CADM2: variants seen among roughly 807,000 people sequenced by gnomAD.
CADM2 encodes immunoglobulin superfamily member 4D.
In CADM2, 12 loss-of-function variants were observed where a neutral mutation model predicts 49.8. The ratio of observed to expected loss-of-function variants is 0.24; its 90% CI spans 0.15 to 0.39. The LOEUF (loss-of-function observed/expected upper bound fraction) is 0.39, where lower values mean the gene tolerates loss of function less well. CADM2 is among the 10% of genes least tolerant of loss of function. The pLI is 1.00. For missense variants in CADM2, 378 were observed against 492.3 expected (o/e 0.77, Z 2.20); for synonymous variants, 214 against 175.4 (o/e 1.22, Z -1.74).
intron 3 of CADM2, among the ~76,000 whole-genome samples, chr3:85,860,279 A>G (rs753382397): frequency 1.4e-4 from 21 of 152,230 alleles, no homozygotes; most frequent in Non-Finnish European, 2.4e-4. Flanking sequence ...GAAGGAAACA[A>G]AAACAACAAA....
intron 2 of CADM2, among the ~76,000 whole-genome samples, chr3:85,791,945 G>A (rs1005146633): frequency 1.3e-5 from 2 of 152,050 alleles, no homozygotes; most frequent in Admixed American, 1.3e-4. Flanking sequence ...GGATGGTCTC[G>A]ATCTCCTGAC....
At chr3:85,230,093 A>G (rs2042252780) in intron 1 of CADM2, among the ~76,000 whole-genome samples, 1 of 152,182 alleles carries the variant, frequency 6.6e-6, no homozygotes, top group Admixed American at 6.6e-5. Flanking sequence ...TTAAACAGCA[A>G]AGATTCTCCC....
At chr3:85,052,807 C>T (rs1286419037) in intron 1 of CADM2, among the ~76,000 whole-genome samples, 2 of 151,954 alleles carry the variant, frequency 1.3e-5, no homozygotes, top group Non-Finnish European at 2.9e-5. Context: ...TAAGTATATA[C>T]AGCAATGTCT....
At chr3:85,975,184 T>C (rs1214675720) in intron 8 of CADM2, among the ~76,000 whole-genome samples, 1 of 151,482 alleles carries the variant, frequency 6.6e-6, no homozygotes, top group Non-Finnish European at 1.5e-5. Flanking sequence ...AAACCATCAA[T>C]TTATTTTAGT....
chr3:85,857,449 TA>T (rs1245251121), intron 3 of CADM2, among the ~76,000 whole-genome samples: 1 of 152,168 alleles, frequency 6.6e-6, no homozygotes, highest in African/African-American at 2.4e-5. Context: ...CCTCCGTGCC[TA>T]CCATAAACTC....
chr3:85,198,722 T>A (rs912386132), intron 1 of CADM2, among the ~76,000 whole-genome samples: 5 of 151,936 alleles, frequency 3.3e-5, no homozygotes, highest in African/African-American at 9.7e-5. Flanking sequence ...CATTAATCAT[T>A]TCTGTAATTT....
intron 1 of CADM2, among the ~76,000 whole-genome samples, chr3:85,500,972 C>A (rs1165808549): frequency 6.6e-6 from 1 of 152,124 alleles, no homozygotes; most frequent in Non-Finnish European, 1.5e-5. Flanking sequence ...CATTCAATTT[C>A]TGTGGATATA....
chr3:85,387,892 A>G (rs528545149), intron 1 of CADM2, among the ~76,000 whole-genome samples: 5 of 152,320 alleles, frequency 3.3e-5, no homozygotes, highest in African/African-American at 1.2e-4. Context: ...GAATCTAAAT[A>G]TAGTTCCTTT....
At chr3:85,143,466 C>A (rs1575969555) in intron 1 of CADM2, among the ~76,000 whole-genome samples, 1 of 152,154 alleles carries the variant, frequency 6.6e-6, no homozygotes, top group Non-Finnish European at 1.5e-5. Flanking sequence ...GGCAACAGAA[C>A]AAGATCCTGT....
At chr3:85,683,419 G>T (rs1055558300) in intron 1 of CADM2, among the ~76,000 whole-genome samples, 6 of 152,150 alleles carry the variant, frequency 3.9e-5, no homozygotes, top group African/African-American at 9.7e-5. Flanking sequence ...AGAGCTGTGT[G>T]AATCTTTTTT....
At chr3:85,765,188 A>T (rs1577255058) in intron 2 of CADM2, among the ~76,000 whole-genome samples, 1 of 152,240 alleles carries the variant, frequency 6.6e-6, no homozygotes, top group Middle Eastern at 3.4e-3. Context: ...TCAGCCTTAC[A>T]GCTATTATTC....
At chr3:85,743,995 C>T (rs1242471336) in intron 2 of CADM2, among the ~76,000 whole-genome samples, 1 of 152,098 alleles carries the variant, frequency 6.6e-6, no homozygotes, top group East Asian at 1.9e-4. Context: ...GAGACAAAAT[C>T]CCTAGCCTCA....
chr3:85,283,973 G>A (rs1051687413), intron 1 of CADM2, among the ~76,000 whole-genome samples: 1 of 152,144 alleles, frequency 6.6e-6, no homozygotes, highest in African/African-American at 2.4e-5. Context: ...ATTTACCACA[G>A]TGTTGAGTCT....
chr3:85,069,948 G>C (rs1340961744), intron 1 of CADM2, among the ~76,000 whole-genome samples: 1 of 151,976 alleles, frequency 6.6e-6, no homozygotes, highest in Non-Finnish European at 1.5e-5. Context: ...TTATGTTTTT[G>C]GGGCACTTTT....
At chr3:85,494,051 CT>C (rs1157882740) in intron 1 of CADM2, among the ~76,000 whole-genome samples, 1 of 152,074 alleles carries the variant, frequency 6.6e-6, no homozygotes, top group Non-Finnish European at 1.5e-5. Context: ...AGTCCCAATA[CT>C]TGTTAAATGC....
chr3:85,347,288 C>G (rs1030047459), intron 1 of CADM2, among the ~76,000 whole-genome samples: 2 of 128,760 alleles, frequency 1.6e-5, no homozygotes, highest in African/African-American at 5.7e-5. Flanking sequence ...TAGCAATGAT[C>G]AAAAGGCTGG....
Position 85,049,268 on chromosome 3 carries a change from C to T in CADM2, c.61+89600C>T, listed in dbSNP as rs559677736. Among the ~76,000 whole-genome samples the T allele has an allele frequency of 2.7e-4, 41 of 152,210 alleles. No homozygotes were observed. In the Middle Eastern group the frequency reaches 0.01, roughly 38 times the overall value. Reference sequence around the variant, plus strand: ...AATACAAAAATATAAACTAGTTTTTCAAGAACTTAAGTGTGAGAAGTGATG... The same window carrying T: ...AATACAAAAATATAAACTAGTTTTTTAAGAACTTAAGTGTGAGAAGTGATG... On this transcript the variant is annotated intron_variant, in intron 1 of 9. Transcript: ENST00000383699.
chr3:85,489,113 A>G (rs1290462817), intron 1 of CADM2, among the ~76,000 whole-genome samples: 1 of 152,170 alleles, frequency 6.6e-6, no homozygotes, highest in African/African-American at 2.4e-5. Flanking sequence ...GTTATTTCAG[A>G]GTAATTGAAA....
At position 86,052,828 on chromosome 3, in the gene CADM2, A is replaced by T. The variant is rs1040124226; in HGVS notation, c.971-12777A>T. ...AAAGATTAATTACTGTTGTAATTTAAGCATAGTATGTTTCTTACAAACTTT... is the reference window on the plus strand; with the variant it reads ...AAAGATTAATTACTGTTGTAATTTATGCATAGTATGTTTCTTACAAACTTT... On this transcript the variant is annotated intron_variant, in intron 8 of 9. Coordinates refer to ENST00000383699, the MANE Select transcript of CADM2 (RefSeq NM_001167675.2). 3.9e-5 allele frequency among the ~76,000 whole-genome samples: 6 copies of T among 152,256 alleles called. No homozygotes were observed. In the South Asian group the frequency reaches 1.0e-3, roughly 26 times the overall value.
Sources: gnomAD v4.1 joint callset for allele counts (sites outside exome capture counted in the v4.1 genomes callset) on GRCh38, gnomAD v4.1.1 for gene constraint, MANE v1.5 for transcripts, NCBI Gene and HGNC (gene_info 2026-07-23, HGNC 2026-07-21) for gene names.